The following RTN4IP1 variants were observed in gnomAD, a reference collection of about 807,000 sequenced individuals.
RTN4IP1 encodes NAD(P)H oxidoreductase RTN4IP1, mitochondrial.
A neutral mutation model predicts 46.6 loss-of-function variants in RTN4IP1; 32 were observed. That is an observed-to-expected ratio of 0.69 (90% CI 0.52 to 0.92). The LOEUF is 0.92. RTN4IP1 is among the 40% of genes least tolerant of loss of function. The pLI, the probability that RTN4IP1 is intolerant of heterozygous loss-of-function variation, is 0.00. For synonymous variants in RTN4IP1, 167 were observed against 161.8 expected, an observed-to-expected ratio of 1.03 and a Z score of -0.24; for missense variants, 424 against 485.8, an observed-to-expected ratio of 0.87 and a Z score of 1.20.
intron 8 of RTN4IP1, among the ~76,000 whole-genome samples, chr6:106,576,332 C>T (rs17067371): frequency 0.033 from 5,008 of 152,070 alleles, 269 homozygotes; most frequent in East Asian, 0.19. Flanking sequence ...CCTAGGTACC[C>T]CTAAAAAATG....
chr6:106,599,720 T>C (rs747296588), intron 5 of RTN4IP1, among the ~76,000 whole-genome samples: 3 of 152,090 alleles, frequency 2.0e-5, no homozygotes, highest in African/African-American at 4.8e-5. Context: ...TTTTTCTAGT[T>C]GGGGAATTTT....
At chr6:106,619,606 ATTTTTT>A (rs869120910) in intron 3 of RTN4IP1, among the ~76,000 whole-genome samples, 9 of 110,468 alleles carry the variant, frequency 8.1e-5, no homozygotes, top group African/African-American at 2.5e-4. Flanking sequence ...ACTTTTCTTC[ATTTTTT>A]TTTTTTTTTT....
chr6:106,618,954 C>T (rs913191764), intron 4 of RTN4IP1, among the ~76,000 whole-genome samples: 19 of 152,058 alleles, frequency 1.2e-4, no homozygotes, highest in Admixed American at 7.9e-4. Context: ...GTTCTGACTC[C>T]TAAAGTCCAT....
chr6:106,609,363 T>C (rs1273733043), intron 4 of RTN4IP1, among the ~76,000 whole-genome samples: 3 of 152,198 alleles, frequency 2.0e-5, no homozygotes, highest in Admixed American at 6.5e-5. Flanking sequence ...AAGATCAGCC[T>C]GGGCAACATC....
At chr6:106,609,957 T>C (rs1776183974) in intron 4 of RTN4IP1, among the ~76,000 whole-genome samples, 1 of 152,216 alleles carries the variant, frequency 6.6e-6, no homozygotes, top group African/African-American at 2.4e-5. Context: ...TGTTAGCTTG[T>C]AAAGGAGCCC....
At chr6:106,597,034 A>G (rs1053182313) in intron 5 of RTN4IP1, among the ~76,000 whole-genome samples, 1 of 152,182 alleles carries the variant, frequency 6.6e-6, no homozygotes, top group Admixed American at 6.5e-5. Flanking sequence ...TATTTTGTCT[A>G]GATTTCCAAA....
chr6:106,599,007 C>G (rs1655770392), intron 5 of RTN4IP1, among the ~76,000 whole-genome samples: 1 of 151,480 alleles, frequency 6.6e-6, no homozygotes, highest in Non-Finnish European at 1.5e-5. Flanking sequence ...TTACTTTTTT[C>G]CTGATTTTTT....
In RTN4IP1 at chr6:106,622,817, C is replaced by A. The variant is rs1776515103; in HGVS notation, c.426+1G>T. The A allele has an allele frequency of 1.9e-6, 3 of 1,612,030 alleles. No homozygotes were observed. Among genetic ancestry groups the A allele is most frequent in the Admixed American group, 1.7e-5 (1 of 59,736 alleles). On this transcript the variant is annotated splice_donor_variant, in intron 2 of 8. Transcript: ENST00000369063. LOFTEE classifies it high-confidence loss of function. ...AGGAATAGTGGCATTCCCTAACTCA[C>A]CTCATCTCCAGGCTTGAAGTATTTC...
intron 4 of RTN4IP1, among the ~76,000 whole-genome samples, chr6:106,609,339 G>A (rs948133447): frequency 6.6e-6 from 1 of 152,198 alleles, no homozygotes; most frequent in Non-Finnish European, 1.5e-5. Context: ...AGGATTGCTT[G>A]AGCCCAGGAG....
intron 5 of RTN4IP1, among the ~76,000 whole-genome samples, chr6:106,600,824 T>C (rs1347663574): frequency 6.6e-6 from 1 of 152,142 alleles, no homozygotes; most frequent in Non-Finnish European, 1.5e-5. Flanking sequence ...CCACATTTTG[T>C]TTATCCATTC....
chr6:106,624,905 C>A, intron 1 of RTN4IP1, among the ~76,000 whole-genome samples: 1 of 137,444 alleles, frequency 7.3e-6, no homozygotes. Flanking sequence ...CACTGCACTC[C>A]AGCCCAGGTG....
rs573671423 is a variant in RTN4IP1, at chr6:106,628,974, C to A, written c.48G>T (p.Ala16=). 1 of 1,613,910 alleles carries A rather than the reference C, an allele frequency of 6.2e-7. No individual in the cohort carries two copies. Residue 16 remains alanine, a synonymous_variant, in exon 1 of 9, where the codon GCG becomes GCT. Transcript: ENST00000369063. The stretch of plus-strand genomic sequence containing the variant: ...CAACTTTGCTTCTCCAGAAGCAAAC[C>A]GCAGTGCATGCATTTCTTCTAAGTA... ...TCVLRRNACT[A]VCFWRSKVVQ...
At chr6:106,600,336 CA>C (rs1775911916) in intron 5 of RTN4IP1, among the ~76,000 whole-genome samples, 1 of 151,692 alleles carries the variant, frequency 6.6e-6, no homozygotes, top group Non-Finnish European at 1.5e-5. Context: ...CATCTGACCA[CA>C]ACAGGAGCAG....
chr6:106,591,317 G>A (rs1316990468), intron 6 of RTN4IP1, among the ~76,000 whole-genome samples: 2 of 152,158 alleles, frequency 1.3e-5, no homozygotes, highest in Non-Finnish European at 2.9e-5. Context: ...AACAGTTGAA[G>A]GAATGATGAG....
chr6:106,616,276 C>A (rs1276720063), intron 4 of RTN4IP1, among the ~76,000 whole-genome samples: 1 of 152,088 alleles, frequency 6.6e-6, no homozygotes, highest in East Asian at 1.9e-4. Context: ...TATATGACAT[C>A]AAGAATAAAC....
chr6:106,619,704 C>T (rs1274667045), intron 3 of RTN4IP1, among the ~76,000 whole-genome samples: 1 of 150,462 alleles, frequency 6.6e-6, no homozygotes, highest in Non-Finnish European at 1.5e-5. Context: ...CTCCGCCTCC[C>T]GGGTTCACAC....
intron 1 of RTN4IP1, among the ~76,000 whole-genome samples, chr6:106,628,368 G>A (rs1189380152): frequency 6.6e-6 from 1 of 152,002 alleles, no homozygotes; most frequent in South Asian, 2.1e-4. Flanking sequence ...TCGGGAGGCT[G>A]AGGCAGGAGA....
chr6:106,621,352 C>T (rs1776481136), intron 3 of RTN4IP1, 73 bp downstream of exon 3: 2 of 1,131,112 alleles, frequency 1.8e-6, no homozygotes, highest in Admixed American at 1.7e-5. Context: ...ATCTGAAAAA[C>T]ACCAGTTATT....
rs75903806 is a variant in RTN4IP1, at chr6:106,629,482, C to A, written c.-461G>T. On this transcript the variant is annotated 5_prime_UTR_variant, in exon 1 of 9. Transcript: ENST00000369063. ...TCCTTGCCTGCCCGCTCTCCTTAGC[C>A]GCCGGGATGGCTTTGCGGCGCCAAC... 4.2e-6 allele frequency: 3 copies of A among 717,040 alleles called. No homozygotes were observed. Among genetic ancestry groups the A allele is most frequent in the Non-Finnish European group, 6.7e-6 (3 of 445,722 alleles). The allele number at this position is 717,040 out of a possible 1,614,324, so 44.4% of individuals were successfully genotyped here.
Sources: gnomAD v4.1 joint callset for allele counts (sites outside exome capture counted in the v4.1 genomes callset) on GRCh38, gnomAD v4.1.1 for gene constraint, MANE v1.5 for transcripts, NCBI Gene and HGNC (gene_info 2026-07-23, HGNC 2026-07-21) for gene names.